The following SNX16 variants were observed in gnomAD, a reference collection of about 807,000 sequenced individuals.
SNX16 encodes the protein sorting nexin 16, also known as sorting nexin-16.
Under a neutral mutation model 36.7 loss-of-function variants are expected in SNX16, and 35 were observed. That is an observed-to-expected ratio of 0.95 (90% confidence interval 0.73 to 1.27). SNX16 has a LOEUF of 1.27. SNX16 is among the 50% of genes most tolerant of loss of function. The pLI, the probability that SNX16 is intolerant of heterozygous loss-of-function variation, is 0.00. For missense variants in SNX16, 367 were observed against 393.6 expected, an observed-to-expected ratio of 0.93 and a Z score of 0.57; for synonymous variants, 134 against 132.0, an observed-to-expected ratio of 1.02 and a Z score of -0.10.
chr8:81,828,602 T>C (rs1178415335), intron 3 of SNX16, among the ~76,000 whole-genome samples: 3 of 152,206 alleles, frequency 2.0e-5, no homozygotes, highest in African/African-American at 7.2e-5. Context: ...ACTTCTGTGA[T>C]TTTATTATGT....
chr8:81,802,607 GTAGT>G, intron 6 of SNX16, 108 bp from the exon 7 acceptor site: 4 of 814,702 alleles, frequency 4.9e-6, no homozygotes, highest in Non-Finnish European at 7.3e-6. Context: ...AAGCCTTAAT[GTAGT>G]TACATAGCTA....
Position 81,823,803 on chromosome 8 carries a change from G to A in SNX16, c.600C>T (p.Asp200=), listed in dbSNP as rs750304693. 15 of 1,606,314 alleles carry A rather than the reference G, an allele frequency of 9.3e-6. No homozygotes were observed. Among genetic ancestry groups the A allele is most frequent in the Middle Eastern group, 3.4e-4 (2 of 5,948 alleles). Residue 200 remains aspartate, a synonymous_variant, in exon 4 of 8, where the codon GAC becomes GAT. Transcript: ENST00000345957. ...AATTCGTTACATACCAGTTAGCAAT[G>A]TCCTTGTGAGCTACTAAATTTTGAA... ...AFLQNLVAHK[D]IANCLAVREF...
intron 3 of SNX16, among the ~76,000 whole-genome samples, chr8:81,826,586 T>C (rs1324696852): frequency 6.6e-6 from 1 of 152,138 alleles, no homozygotes; most frequent in Non-Finnish European, 1.5e-5. Flanking sequence ...TTGCCCCAAC[T>C]CTGATAAGCC....
intron 5 of SNX16, chr8:81,808,401 G>T (rs1167088702): frequency 1.6e-6 from 2 of 1,246,186 alleles, no homozygotes; most frequent in Non-Finnish European, 2.3e-6. Flanking sequence ...AGGTGTTTTC[G>T]GTGGGAATGA....
intron 5 of SNX16, among the ~76,000 whole-genome samples, chr8:81,804,345 A>C (rs1322219581): frequency 6.6e-6 from 1 of 152,076 alleles, no homozygotes; most frequent in African/African-American, 2.4e-5. Flanking sequence ...GAGGAATGAA[A>C]GTGACAAAGA....
chr8:81,807,728 G>A, intron 5 of SNX16: 2 of 612,544 alleles, frequency 3.3e-6, no homozygotes. Flanking sequence ...GCCCGTGGAT[G>A]CCGCCGAAGA....
At chr8:81,814,853 T>A (rs1810407314) in intron 5 of SNX16, 1 of 152,196 alleles carries the variant, frequency 6.6e-6, no homozygotes, top group African/African-American at 2.4e-5. Context: ...GGCTATTGCT[T>A]CAAGAAACAG....
At chr8:81,829,295 T>C in intron 3 of SNX16, 135 bp downstream of exon 3, 1 of 334,516 alleles carries the variant, frequency 3.0e-6, no homozygotes. Context: ...ATTTTAAAAA[T>C]TTATTTAAAA....
intron 2 of SNX16, among the ~76,000 whole-genome samples, chr8:81,838,687 AC>A (rs1415402520): frequency 1.3e-5 from 2 of 152,068 alleles, no homozygotes; most frequent in Non-Finnish European, 2.9e-5. Flanking sequence ...TTAGAAGAAA[AC>A]ATAGGACAGT....
In SNX16 at chr8:81,808,437, A is replaced by G. The variant is rs961778017; in HGVS notation, c.682-5209T>C. On this transcript the variant is annotated intron_variant, in intron 5 of 7. Coordinates refer to ENST00000345957, the MANE Select transcript of SNX16 (RefSeq NM_152836.3). Reference sequence around the variant, plus strand: ...CAACTTTGGTTGTGGAGGAAACTTCAGGGGTCATGGTGGCTTTGCTGACAG... The same window carrying G: ...CAACTTTGGTTGTGGAGGAAACTTCGGGGGTCATGGTGGCTTTGCTGACAG... 4.5e-6 allele frequency: 5 copies of G among 1,117,016 alleles called. No homozygotes were observed. In the African/African-American group the frequency reaches 7.6e-5, roughly 17 times the overall value. 69.2% of individuals were successfully genotyped at this position (1,117,016 alleles called of 1,614,324 possible). A position where few individuals can be genotyped will look rare whatever the true frequency, so the allele number is the denominator to read the frequency against.
rs557592163 is a variant in SNX16, at chr8:81,803,770, G to T, written c.682-542C>A. 4.6e-5 allele frequency among the ~76,000 whole-genome samples: 7 copies of T among 151,608 alleles called. No homozygotes were observed. The South Asian group carries it at 1.0e-3, about 23-fold the overall frequency. On this transcript the variant is annotated intron_variant, in intron 5 of 7. Transcript: ENST00000345957. ...AAGTGACAAAAAGTGATAGATTCAG[G>T]AATAAAGCAAAGACCCTAAAGAGCC...
chr8:81,808,391 A>G (rs1344351992), intron 5 of SNX16: 1 of 1,267,810 alleles, frequency 7.9e-7, no homozygotes, highest in Non-Finnish European at 1.1e-6. Context: ...GTGGTTGTGG[A>G]GGTGTTTTCG....
chr8:81,821,004 A>G (rs774463), intron 4 of SNX16, among the ~76,000 whole-genome samples: 37,198 of 150,566 alleles, frequency 0.25, 5,131 homozygotes, highest in East Asian at 0.37. Context: ...AAAGATAGTG[A>G]GTACCAAGGC....
chr8:81,808,798 C>A (rs985573153), intron 5 of SNX16: 3 of 814,270 alleles, frequency 3.7e-6, no homozygotes, highest in Non-Finnish European at 6.2e-6. Flanking sequence ...CAGGTAACAA[C>A]AGATTTGTGA....
intron 4 of SNX16, among the ~76,000 whole-genome samples, chr8:81,822,603 A>C (rs1424958318): frequency 6.6e-6 from 1 of 151,982 alleles, no homozygotes; most frequent in African/African-American, 2.4e-5. Flanking sequence ...GATGGAGAGA[A>C]GTAGACAGAC....
intron 3 of SNX16, among the ~76,000 whole-genome samples, chr8:81,826,019 A>C (rs1305799696): frequency 7.0e-6 from 1 of 143,204 alleles, no homozygotes; most frequent in African/African-American, 2.5e-5. Flanking sequence ...TTAAATGGTT[A>C]GATTTTTTTT....
chr8:81,811,146 T>C (rs946676560), intron 5 of SNX16, among the ~76,000 whole-genome samples: 3 of 152,226 alleles, frequency 2.0e-5, no homozygotes, highest in Admixed American at 6.5e-5. Flanking sequence ...TTTAGCCCAA[T>C]GTTCACTTAA....
intron 4 of SNX16, among the ~76,000 whole-genome samples, chr8:81,816,921 A>G (rs1199480185): frequency 3.3e-5 from 5 of 152,112 alleles, no homozygotes; most frequent in Non-Finnish European, 4.4e-5. Context: ...TTTATCTGCA[A>G]CCCTCTCTAG....
At position 81,829,450 on chromosome 8, in the gene SNX16, A is replaced by G; in HGVS notation, c.442T>C (p.Phe148Leu). ...CTTACTTTGTCATTAAGCCTAGAGA[A>G]GTCAGTGTATCTTCTGAAAACTACC... Reference protein sequence around the residue: ...SWVVFRRYTDFSRLNDKLKEM... With the variant: ...SWVVFRRYTDLSRLNDKLKEM... Residue 148 changes from phenylalanine (F) to leucine (L), a missense_variant, in exon 3 of 8, where the codon TTC becomes CTC. Physicochemically the swap from Phe to Leu is conservative, Grantham distance 22. Transcript: ENST00000345957. The G allele has an allele frequency of 7.0e-7, 1 of 1,421,208 alleles. No homozygotes were observed. The allele number at this position is 1,421,208 out of a possible 1,614,324, so 88.0% of individuals were successfully genotyped here.
Sources: gnomAD v4.1 joint callset for allele counts (sites outside exome capture counted in the v4.1 genomes callset) on GRCh38, gnomAD v4.1.1 for gene constraint, MANE v1.5 for transcripts, NCBI Gene and HGNC (gene_info 2026-07-23, HGNC 2026-07-21) for gene names.